ITGB3: variants seen among roughly 807,000 people sequenced by gnomAD.
The protein encoded by ITGB3 is integrin beta-3.
ITGB3 carries 48 observed loss-of-function variants against 85.8 expected under a neutral mutation model. The ratio of observed to expected loss-of-function variants is 0.56; its 90% CI spans 0.44 to 0.71. The LOEUF is 0.71. Among genes scored for constraint, ITGB3 ranks in the 30% least tolerant of loss-of-function variants. The pLI is 0.00. For missense variants in ITGB3, 861 were observed against 1,019.1 expected, an observed-to-expected ratio of 0.84 and a Z score of 2.11; for synonymous variants, 363 against 395.6, an observed-to-expected ratio of 0.92 and a Z score of 0.98.
chr17:47,310,341 T>C lies in ITGB3; in HGVS notation c.*137T>C, dbSNP rs182749804. ...GGGGTAGGTTGGGAGAATGTCAGTA[T>C]GTGGAAGTGTGGGTCTGTGTGTGTG... On this transcript the variant is annotated 3_prime_UTR_variant, in exon 15 of 15. Coordinates refer to ENST00000559488, the MANE Select transcript of ITGB3 (RefSeq NM_000212.3). 12 of 772,034 alleles carry C rather than the reference T, an allele frequency of 1.6e-5. No individual in the cohort carries two copies. The East Asian group carries it at 3.2e-4, about 20-fold the overall frequency. 47.8% of individuals were successfully genotyped at this position (772,034 alleles called of 1,614,324 possible).
At position 47,313,403 on chromosome 17, in the gene ITGB3, G is replaced by A. The variant is rs2065224028; in HGVS notation, c.*3199G>A. ...GCTCTATCACCCAGGCTGGAGTGCAGTGGCACGATCTCTGCTCACTGCAAG... is the reference window on the plus strand; with the variant it reads ...GCTCTATCACCCAGGCTGGAGTGCAATGGCACGATCTCTGCTCACTGCAAG... On this transcript the variant is annotated 3_prime_UTR_variant, in exon 15 of 15. Transcript: ENST00000559488. Among the ~76,000 whole-genome samples the A allele has an allele frequency of 7.2e-6, 1 of 139,076 alleles. No individual in the cohort carries two copies. The highest frequency in any genetic ancestry group is 1.5e-5 in the Non-Finnish European group (1 of 65,148). 91.2% of individuals were successfully genotyped at this position (139,076 alleles called of 152,430 possible).
intron 5 of ITGB3, among the ~76,000 whole-genome samples, chr17:47,286,758 T>A (rs2065104101): frequency 6.6e-6 from 1 of 152,222 alleles, no homozygotes; most frequent in Non-Finnish European, 1.5e-5. Context: ...CCAGATCAGC[T>A]CTGTGGATGC....
At position 47,280,656 on chromosome 17, in the gene ITGB3, C is replaced by T. The variant is rs187004235; in HGVS notation, c.166-2698C>T. On this transcript the variant is annotated intron_variant, in intron 2 of 14. Coordinates refer to ENST00000559488, the MANE Select transcript of ITGB3 (RefSeq NM_000212.3). ...ACAGGCATGAGTCATCGCACCCGGC[C>T]GGTTACAGGGCTTTTGAGTATGAAT... 1.9e-4 allele frequency among the ~76,000 whole-genome samples: 29 copies of T among 152,278 alleles called. No homozygotes were observed. The East Asian group carries it at 4.4e-3, about 23-fold the overall frequency.
At chr17:47,276,636 C>T (rs2065064886) in intron 2 of ITGB3, among the ~76,000 whole-genome samples, 1 of 152,072 alleles carries the variant, frequency 6.6e-6, no homozygotes, top group Non-Finnish European at 1.5e-5. Context: ...TACAACTATC[C>T]CTCAGCAAGA....
At chr17:47,308,187 T>TAATAAA (rs1438857616) in intron 14 of ITGB3, among the ~76,000 whole-genome samples, 1 of 148,016 alleles carries the variant, frequency 6.8e-6, no homozygotes, top group African/African-American at 2.5e-5. Context: ...ATAATAATAA[T>TAATAAA]AAAATAAAAT....
At chr17:47,279,619 G>GGACT (rs2065076190) in intron 2 of ITGB3, 1 of 152,196 alleles carries the variant, frequency 6.6e-6, no homozygotes, top group Admixed American at 6.5e-5. Flanking sequence ...CTTCTCATTA[G>GGACT]GACTGCCACA....
At position 47,290,311 on chromosome 17, in the gene ITGB3, T is replaced by C. The variant is rs2065119986; in HGVS notation, c.1125+37T>C. ...GTGCTGGGAATAGTCCCGCGGAGAGTCCACCTCATTTGGCTTACACAGCAG... is the reference window on the plus strand; with the variant it reads ...GTGCTGGGAATAGTCCCGCGGAGAGCCCACCTCATTTGGCTTACACAGCAG... On this transcript the variant is annotated intron_variant, in intron 8 of 14. Coordinates refer to ENST00000559488, the MANE Select transcript of ITGB3 (RefSeq NM_000212.3). 3 of 1,558,696 alleles carry C rather than the reference T, an allele frequency of 1.9e-6. No individual in the cohort carries two copies. The East Asian group carries it at 6.7e-5, about 35-fold the overall frequency.
At chr17:47,287,320 C>T in intron 6 of ITGB3, 89 bp downstream of exon 6, 2 of 1,484,688 alleles carry the variant, frequency 1.3e-6, no homozygotes, top group African/African-American at 1.4e-5. Context: ...ATGAAAATGG[C>T]AGCCCCTCCT....
intron 2 of ITGB3, among the ~76,000 whole-genome samples, chr17:47,279,342 G>A: frequency 6.6e-6 from 1 of 152,142 alleles, no homozygotes; most frequent in East Asian, 1.9e-4. Context: ...ATAACCTGGA[G>A]ACATTCTTTC....
In ITGB3 at chr17:47,253,854, C is replaced by G. The variant is rs1282108694; in HGVS notation, c.-8C>G. Reference sequence around the variant, plus strand: ...GGGGCGGGCGGAGCGCCGCGGGAGGCGGACGAGATGCGAGCGCGGCCGCGG... The same window carrying G: ...GGGGCGGGCGGAGCGCCGCGGGAGGGGGACGAGATGCGAGCGCGGCCGCGG... On this transcript the variant is annotated 5_prime_UTR_variant, in exon 1 of 15. Transcript: ENST00000559488. 1.6e-6 allele frequency: 2 copies of G among 1,217,382 alleles called. No individual in the cohort carries two copies. Among genetic ancestry groups the G allele is most frequent in the African/African-American group, 1.6e-5 (1 of 63,076 alleles). 75.4% of individuals were successfully genotyped at this position (1,217,382 alleles called of 1,614,324 possible). A position where few individuals can be genotyped will look rare whatever the true frequency, so the allele number is the denominator to read the frequency against.
chr17:47,261,558 C>T (rs1191120795), intron 1 of ITGB3, among the ~76,000 whole-genome samples: 2 of 138,400 alleles, frequency 1.4e-5, no homozygotes, highest in Non-Finnish European at 3.0e-5. Flanking sequence ...CTCACTCTGT[C>T]GCCCAGGCTG....
At position 47,292,575 on chromosome 17, in the gene ITGB3, A is replaced by C; in HGVS notation, c.1690+7A>C. On this transcript the variant is annotated splice_region_variant and intron_variant, in intron 10 of 14. Coordinates refer to ENST00000559488, the MANE Select transcript of ITGB3 (RefSeq NM_000212.3). ...AAGGGGGAGATGTGCTCAGGTGAGGAGAACTGCAGGGCCCCCTGTCCTGGA... is the reference window on the plus strand; with the variant it reads ...AAGGGGGAGATGTGCTCAGGTGAGGCGAACTGCAGGGCCCCCTGTCCTGGA... 6.3e-7 allele frequency: 1 copy of C among 1,599,910 alleles called. No individual in the cohort carries two copies. The highest frequency in any genetic ancestry group is 1.1e-5 in the South Asian group (1 of 91,084).
chr17:47,296,737 A>C (rs2065147456), intron 10 of ITGB3, among the ~76,000 whole-genome samples: 1 of 152,214 alleles, frequency 6.6e-6, no homozygotes, highest in Non-Finnish European at 1.5e-5. Context: ...ATCCTAATGT[A>C]CAGGACAGTC....
Position 47,299,647 on chromosome 17 carries a change from C to A in ITGB3, c.1913+117C>A. 1 of 956,228 alleles carries A rather than the reference C, an allele frequency of 1.0e-6. No homozygotes were observed. Among genetic ancestry groups the A allele is most frequent in the Non-Finnish European group, 1.6e-6 (1 of 612,250 alleles). 59.2% of individuals were successfully genotyped at this position (956,228 alleles called of 1,614,324 possible). A position where few individuals can be genotyped will look rare whatever the true frequency, so the allele number is the denominator to read the frequency against. On this transcript the variant is annotated intron_variant, in intron 11 of 14. Coordinates refer to ENST00000559488, the MANE Select transcript of ITGB3 (RefSeq NM_000212.3). The surrounding 1 kb of genome is among the most constrained non-coding windows in gnomAD (Gnocchi z 5.1). ...TCACCAGAGCCTTAGGGAGAGGAGT[C>A]CACTCCAGCCAGATGGCTGTCTCTC...
chr17:47,310,356 C>CTG lies in ITGB3; in HGVS notation c.*162_*163dup, dbSNP rs377072500. On this transcript the variant is annotated 3_prime_UTR_variant, in exon 15 of 15. Transcript: ENST00000559488. ...AATGTCAGTATGTGGAAGTGTGGGT[C>CTG]TGTGTGTGTGTATGTGGGGGTCTGT... The CTG allele has an allele frequency of 3.0e-4, 223 of 731,660 alleles. No homozygotes were observed. In the African/African-American group the frequency reaches 3.3e-3, roughly 11 times the overall value. The allele number at this position is 731,660 out of a possible 1,614,324, so 45.3% of individuals were successfully genotyped here.
intron 1 of ITGB3, among the ~76,000 whole-genome samples, chr17:47,271,374 G>A (rs2065043635): frequency 2.0e-5 from 3 of 152,188 alleles, no homozygotes; most frequent in Admixed American, 2.0e-4. Context: ...AAGGGAATAT[G>A]TGTAAAAGAT....
chr17:47,302,215 G>A (rs1011527570), intron 12 of ITGB3, among the ~76,000 whole-genome samples: 2 of 152,004 alleles, frequency 1.3e-5, no homozygotes, highest in African/African-American at 4.8e-5. Flanking sequence ...AAACAGAAAT[G>A]GAAGAAATAG....
chr17:47,287,311 T>C (rs1323603511), intron 6 of ITGB3, 80 bp downstream of exon 6: 8 of 1,542,138 alleles, frequency 5.2e-6, no homozygotes, highest in Non-Finnish European at 7.1e-6. Context: ...TGTGTGAATA[T>C]GAAAATGGCA....
intron 1 of ITGB3, among the ~76,000 whole-genome samples, chr17:47,256,291 C>A (rs1029642251): frequency 3.3e-5 from 5 of 151,984 alleles, no homozygotes; most frequent in African/African-American, 1.2e-4. Flanking sequence ...CATAGTGAGA[C>A]CTAATCTCTA....
Sources: gnomAD v4.1 joint callset for allele counts (sites outside exome capture counted in the v4.1 genomes callset) on GRCh38, gnomAD v4.1.1 for gene constraint, Gnocchi (gnomAD v3.1) non-coding constraint, MANE v1.5 for transcripts, NCBI Gene and HGNC (gene_info 2026-07-23, HGNC 2026-07-21) for gene names.